Variants in RELN observed in about 807,000 individuals in gnomAD.
RELN encodes reelin.
RELN carries 108 observed loss-of-function variants against 427.6 expected under a neutral mutation model. The ratio of observed to expected loss-of-function variants is 0.25; its 90% CI spans 0.22 to 0.30. The LOEUF (loss-of-function observed/expected upper bound fraction) is 0.30. Ranked by LOEUF, RELN falls within the 10% of genes least tolerant of loss-of-function variation. The pLI, the probability that RELN is intolerant of heterozygous loss-of-function variation, is 1.00. For missense variants in RELN, 3,715 were observed against 4,302.8 expected (o/e 0.86, Z 3.82); for synonymous variants, 1,524 against 1,513.4 (o/e 1.01, Z -0.16).
chr7:103,752,819 A>T (rs1791039672), intron 5 of RELN, among the ~76,000 whole-genome samples: 1 of 152,148 alleles, frequency 6.6e-6, no homozygotes, highest in South Asian at 2.1e-4. Context: ...GTTCTTCCAC[A>T]TTCATGGCTT....
chr7:103,891,518 C>A (rs1443620938), intron 2 of RELN, among the ~76,000 whole-genome samples: 3 of 152,028 alleles, frequency 2.0e-5, no homozygotes, highest in African/African-American at 7.2e-5. Context: ...AAATGGGTGA[C>A]TCCTCCTGCA....
intron 8 of RELN, among the ~76,000 whole-genome samples, chr7:103,701,864 C>T (rs145479631): frequency 3.7e-4 from 56 of 152,250 alleles, no homozygotes; most frequent in African/African-American, 1.3e-3. Flanking sequence ...TTAACTTTCA[C>T]CCATCTGATA....
chr7:103,711,050 A>T (rs1789784127), intron 8 of RELN, among the ~76,000 whole-genome samples: 1 of 152,108 alleles, frequency 6.6e-6, no homozygotes, highest in Non-Finnish European at 1.5e-5. Context: ...CTCAAAAAAA[A>T]ATTTTTTTAA....
intron 20 of RELN, among the ~76,000 whole-genome samples, chr7:103,629,195 A>G (rs1245511755): frequency 2.0e-5 from 3 of 152,172 alleles, no homozygotes; most frequent in Admixed American, 6.5e-5. Context: ...GGAGTTTCCT[A>G]TGTAAAGTAG....
In RELN at chr7:103,557,966, T is replaced by C. The variant is rs368944281; in HGVS notation, c.5613A>G (p.Lys1871=). The C allele has an allele frequency of 1.0e-5, 13 of 1,271,580 alleles. No homozygotes were observed. Among genetic ancestry groups the C allele is most frequent in the East Asian group, 9.3e-5 (4 of 43,228 alleles). 78.8% of individuals were successfully genotyped at this position (1,271,580 alleles called of 1,614,324 possible). ...GGAAAATAATAAATTCATACTTACTTTTTGCTATAAATCTAAGTGAAAACT... is the reference window on the plus strand; with the variant it reads ...GGAAAATAATAAATTCATACTTACTCTTTGCTATAAATCTAAGTGAAAACT... ...YVQFSLRFIA[K]STPERSHSIL... The change falls in exon 37 of 65, where the codon AAA becomes AAG. Residue 1871 remains lysine (K), a splice_region_variant and synonymous_variant. Coordinates refer to ENST00000428762, the MANE Select transcript of RELN (RefSeq NM_005045.4).
At chr7:103,796,796 G>A (rs1792308601) in intron 3 of RELN, among the ~76,000 whole-genome samples, 1 of 147,636 alleles carries the variant, frequency 6.8e-6, no homozygotes, top group South Asian at 2.2e-4. Flanking sequence ...GGGAGGCGGA[G>A]GTTGCAGTGA....
At chr7:103,742,310 T>C (rs1039112419) in intron 6 of RELN, among the ~76,000 whole-genome samples, 1 of 151,678 alleles carries the variant, frequency 6.6e-6, no homozygotes, top group African/African-American at 2.4e-5. Context: ...ACCACAAAGA[T>C]GGGAAAAAAA....
At chr7:103,668,429 T>C (rs1411300020) in intron 11 of RELN, among the ~76,000 whole-genome samples, 10 of 152,188 alleles carry the variant, frequency 6.6e-5, no homozygotes, top group African/African-American at 2.2e-4. Flanking sequence ...CTGGTCTACA[T>C]TTGGAAGAAA....
chr7:103,499,021 G>A (rs1186246446), intron 53 of RELN, among the ~76,000 whole-genome samples: 3 of 152,130 alleles, frequency 2.0e-5, no homozygotes, highest in African/African-American at 7.2e-5. Context: ...CCCTCACTTT[G>A]GAGACTGCTT....
intron 25 of RELN, among the ~76,000 whole-genome samples, chr7:103,594,777 C>T (rs1251342120): frequency 6.6e-6 from 1 of 152,052 alleles, no homozygotes; most frequent in Non-Finnish European, 1.5e-5. Context: ...ACTACCATGA[C>T]AATGGTCATA....
At chr7:103,560,690 A>C (rs1157988076) in intron 36 of RELN, among the ~76,000 whole-genome samples, 1 of 152,136 alleles carries the variant, frequency 6.6e-6, no homozygotes, top group Non-Finnish European at 1.5e-5. Flanking sequence ...GTTCTACCTT[A>C]ATTTCTTCAG....
intron 8 of RELN, among the ~76,000 whole-genome samples, chr7:103,710,426 C>T (rs1254178162): frequency 6.6e-6 from 1 of 152,142 alleles, no homozygotes; most frequent in African/African-American, 2.4e-5. Flanking sequence ...AAAACAGCTT[C>T]CAGGAACTCC....
intron 38 of RELN, among the ~76,000 whole-genome samples, chr7:103,555,869 A>G (rs1830510132): frequency 6.6e-6 from 1 of 152,218 alleles, no homozygotes; most frequent in Non-Finnish European, 1.5e-5. Flanking sequence ...TAGTTTTAAC[A>G]TATTGTTAAG....
At chr7:103,739,334 T>C (rs1289032493) in intron 6 of RELN, among the ~76,000 whole-genome samples, 2 of 152,248 alleles carry the variant, frequency 1.3e-5, no homozygotes, top group Non-Finnish European at 2.9e-5. Flanking sequence ...TTGTGGTCCC[T>C]TACATTCTTC....
chr7:103,789,152 A>G (rs1232386354), intron 3 of RELN, among the ~76,000 whole-genome samples: 1 of 152,210 alleles, frequency 6.6e-6, no homozygotes, highest in Non-Finnish European at 1.5e-5. Flanking sequence ...GAAAACTGAA[A>G]CTAGAACCCT....
At chr7:103,589,507 G>A (rs1441854865) in intron 28 of RELN, 89 bp downstream of exon 28, 6 of 875,092 alleles carry the variant, frequency 6.9e-6, no homozygotes, top group African/African-American at 1.7e-5. Context: ...TCGGGGTTTT[G>A]ATCTTTCAGG....
At chr7:103,784,423 G>A (rs907224325) in intron 3 of RELN, among the ~76,000 whole-genome samples, 4 of 152,148 alleles carry the variant, frequency 2.6e-5, no homozygotes, top group Admixed American at 1.3e-4. Context: ...GTGACCTGGC[G>A]TAAGCATGTG....
At chr7:103,754,292 T>C (rs1328802609) in intron 4 of RELN, among the ~76,000 whole-genome samples, 2 of 152,158 alleles carry the variant, frequency 1.3e-5, no homozygotes, top group Non-Finnish European at 2.9e-5. Flanking sequence ...TTCATCTATT[T>C]CTTTCCATTT....
At chr7:103,749,697 C>T (rs1490438217) in intron 5 of RELN, among the ~76,000 whole-genome samples, 193 bp from the exon 6 acceptor site, 1 of 152,106 alleles carries the variant, frequency 6.6e-6, no homozygotes, top group African/African-American at 2.4e-5. Context: ...GGTTTAAACA[C>T]CTAGAAGTTG....
Sources: gnomAD v4.1 joint callset for allele counts (sites outside exome capture counted in the v4.1 genomes callset) on GRCh38, gnomAD v4.1.1 for gene constraint, MANE v1.5 for transcripts, NCBI Gene and HGNC (gene_info 2026-07-23, HGNC 2026-07-21) for gene names.